The following FSTL4 variants were observed in gnomAD, a reference collection of about 807,000 sequenced individuals.
The protein encoded by FSTL4 is follistatin like 4.
FSTL4 carries 28 observed loss-of-function variants against 78.2 expected under a neutral mutation model. The observed-to-expected ratio is 0.36, with a 90% confidence interval of 0.27 to 0.49. The LOEUF is 0.49. Among genes scored for constraint, FSTL4 ranks in the 20% least tolerant of loss-of-function variants. The pLI, the probability that FSTL4 is intolerant of heterozygous loss-of-function variation, is 0.98. For synonymous variants in FSTL4, 422 were observed against 440.5 expected (o/e 0.96, Z 0.53); for missense variants, 922 against 1,084.9 (o/e 0.85, Z 2.11).
the FSTL4 span, among the ~76,000 whole-genome samples, chr5:133,706,829 AG>A: frequency 1.3e-5 from 2 of 152,172 alleles, no homozygotes; most frequent in African/African-American, 2.4e-5. Flanking sequence ...GCTCAGGGAC[AG>A]GATGACATGG....
chr5:133,747,633 A>G, the FSTL4 span, among the ~76,000 whole-genome samples: 41 of 152,314 alleles, frequency 2.7e-4, no homozygotes, highest in Non-Finnish European at 1.2e-4. Context: ...ACCAAACTAG[A>G]TTATGTAATC....
the FSTL4 span, among the ~76,000 whole-genome samples, chr5:133,719,657 G>C: frequency 7.8e-6 from 1 of 128,976 alleles, no homozygotes; most frequent in Admixed American, 8.3e-5. Flanking sequence ...TGGGCAACAG[G>C]AGCAAAACTC....
chr5:133,657,977 A>G, the FSTL4 span, among the ~76,000 whole-genome samples: 1 of 152,060 alleles, frequency 6.6e-6, no homozygotes, highest in African/African-American at 2.4e-5. Flanking sequence ...GTTTCCTCTG[A>G]GTATATTTTA....
the FSTL4 span, among the ~76,000 whole-genome samples, chr5:133,665,985 C>G: frequency 6.6e-6 from 1 of 152,150 alleles, no homozygotes; most frequent in African/African-American, 2.4e-5. Flanking sequence ...AGCTGCAGTA[C>G]TGTCCCTAGG....
the FSTL4 span, among the ~76,000 whole-genome samples, chr5:133,735,899 T>C: frequency 1.3e-5 from 2 of 151,950 alleles, no homozygotes; most frequent in African/African-American, 4.8e-5. Flanking sequence ...TCGTGAAAAC[T>C]AGGATTCACT....
intron 3 of FSTL4, among the ~76,000 whole-genome samples, chr5:133,544,509 G>A (rs748402063): frequency 2.6e-5 from 4 of 152,158 alleles, no homozygotes; most frequent in Admixed American, 6.5e-5. Flanking sequence ...CTGGAGGCAG[G>A]CATCATGTGC....
chr5:133,320,698 C>T (rs993918773), intron 4 of FSTL4, among the ~76,000 whole-genome samples: 23 of 152,222 alleles, frequency 1.5e-4, no homozygotes, highest in African/African-American at 5.5e-4. Context: ...TCTGATCTTC[C>T]TCCTATTCTT....
rs1347037980 is a variant in FSTL4, at chr5:133,204,693, G to T, written c.1717-2651C>A. On this transcript the variant is annotated intron_variant, in intron 14 of 15. Coordinates refer to ENST00000265342, the MANE Select transcript of FSTL4 (RefSeq NM_015082.2). ...CAAAAAATACAAAAATTAGCTGGGTGTAATGGCATGTACCTGTAATCCCAG... is the reference window on the plus strand; with the variant it reads ...CAAAAAATACAAAAATTAGCTGGGTTTAATGGCATGTACCTGTAATCCCAG... 2.0e-5 allele frequency among the ~76,000 whole-genome samples: 3 copies of T among 152,062 alleles called. No individual in the cohort carries two copies. In the East Asian group the frequency reaches 5.8e-4, roughly 29 times the overall value.
chr5:133,753,415 T>A, the FSTL4 span, among the ~76,000 whole-genome samples: 1 of 152,148 alleles, frequency 6.6e-6, no homozygotes, highest in Non-Finnish European at 1.5e-5. Flanking sequence ...CCAACTCCTC[T>A]GAAATAAGGG....
At chr5:133,738,338 C>G in the FSTL4 span, among the ~76,000 whole-genome samples, 2 of 152,200 alleles carry the variant, frequency 1.3e-5, no homozygotes, top group Admixed American at 1.3e-4. Flanking sequence ...TTTATAAGAG[C>G]ATTTCATAAC....
At chr5:133,831,992 T>C in the FSTL4 span, among the ~76,000 whole-genome samples, 1 of 152,220 alleles carries the variant, frequency 6.6e-6, no homozygotes, top group African/African-American at 2.4e-5. Flanking sequence ...TGAGCAAGTG[T>C]CCTCATCTCA....
chr5:133,575,650 A>G (rs1760260369), intron 2 of FSTL4, among the ~76,000 whole-genome samples: 1 of 152,226 alleles, frequency 6.6e-6, no homozygotes, highest in African/African-American at 2.4e-5. Context: ...TTAAAAAAGC[A>G]ACCCCTCAAA....
chr5:133,220,340 A>T (rs1425581169), intron 12 of FSTL4, among the ~76,000 whole-genome samples: 2 of 152,228 alleles, frequency 1.3e-5, no homozygotes, highest in African/African-American at 4.8e-5. Flanking sequence ...GCTTTCCTGG[A>T]TCCTCTATCA....
Position 133,295,807 on chromosome 5 carries a change from T to C in FSTL4, c.727+16847A>G, listed in dbSNP as rs192942584. Among the ~76,000 whole-genome samples, 18 of 152,308 alleles carry C rather than the reference T, an allele frequency of 1.2e-4. 2 individuals carry two copies. Among genetic ancestry groups the C allele is most frequent in the Admixed American group, 1.2e-3 (18 of 15,308 alleles). ...TCCTCCCACCACTCTGGCATCTTCCTCTCATTCTCTTTTGGGGCTCCCACT... is the reference window on the plus strand; with the variant it reads ...TCCTCCCACCACTCTGGCATCTTCCCCTCATTCTCTTTTGGGGCTCCCACT... On this transcript the variant is annotated intron_variant, in intron 6 of 15. Transcript: ENST00000265342.
chr5:133,806,782 G>A, the FSTL4 span, among the ~76,000 whole-genome samples: 1 of 152,122 alleles, frequency 6.6e-6, no homozygotes, highest in South Asian at 2.1e-4. Context: ...CAACTATGCT[G>A]CCCCATAACT....
chr5:133,509,820 C>G (rs1032815345), intron 3 of FSTL4, among the ~76,000 whole-genome samples: 7 of 152,370 alleles, frequency 4.6e-5, no homozygotes, highest in Middle Eastern at 3.4e-3. Context: ...AGTGTGACAG[C>G]TCTGTCTCTC....
At chr5:133,377,917 CA>C (rs533235010) in intron 4 of FSTL4, among the ~76,000 whole-genome samples, 108 of 151,348 alleles carry the variant, frequency 7.1e-4, no homozygotes, top group African/African-American at 2.6e-3. Flanking sequence ...TACTCGTGTA[CA>C]AAGGAACTTC....
intron 7 of FSTL4, among the ~76,000 whole-genome samples, chr5:133,239,481 C>T (rs185339610): frequency 0.016 from 2,400 of 152,294 alleles, 55 homozygotes; most frequent in African/African-American, 0.054. Flanking sequence ...GTAAATACAC[C>T]AATCAGCACT....
At chr5:133,550,179 C>T (rs6875502) in intron 3 of FSTL4, among the ~76,000 whole-genome samples, 64,783 of 151,978 alleles carry the variant, frequency 0.43, 14,381 homozygotes, top group African/African-American at 0.55. Context: ...TAAAGGATTG[C>T]TTAAATGTTT....
Sources: gnomAD v4.1 joint callset for allele counts (sites outside exome capture counted in the v4.1 genomes callset) on GRCh38, gnomAD v4.1.1 for gene constraint, MANE v1.5 for transcripts, NCBI Gene and HGNC (gene_info 2026-07-23, HGNC 2026-07-21) for gene names.